Variants in NCOA1 observed in about 807,000 individuals in gnomAD.
NCOA1 encodes Hin-2 protein.
In NCOA1, 35 loss-of-function variants were observed where a neutral mutation model predicts 150.9. The ratio of observed to expected loss-of-function variants is 0.23; its 90% confidence interval spans 0.18 to 0.31. NCOA1 has a LOEUF of 0.31. NCOA1 is among the 10% of genes least tolerant of loss of function. The probability of loss-of-function intolerance (pLI) is 1.00; values close to 1 mark genes in which losing one functional copy is unlikely to be tolerated. For missense variants in NCOA1, 1,491 were observed against 1,749.3 expected (o/e 0.85, Z 2.63); for synonymous variants, 590 against 630.0 (o/e 0.94, Z 0.95).
intron 3 of NCOA1, among the ~76,000 whole-genome samples, chr2:24,630,538 A>C (rs1162192757): frequency 6.6e-6 from 1 of 152,120 alleles, no homozygotes; most frequent in Admixed American, 6.6e-5. Flanking sequence ...GGTTCTCTTT[A>C]TTACTGGTCC....
intron 2 of NCOA1, among the ~76,000 whole-genome samples, chr2:24,575,352 C>G (rs1666911033): frequency 6.6e-6 from 1 of 152,226 alleles, no homozygotes; most frequent in Admixed American, 6.5e-5. Context: ...GTGTTCAACA[C>G]TTCCATATCT....
intron 5 of NCOA1, among the ~76,000 whole-genome samples, chr2:24,663,730 G>C (rs772224259): frequency 1.4e-4 from 21 of 152,034 alleles, no homozygotes; most frequent in Non-Finnish European, 1.2e-4. Flanking sequence ...TTGCTTATTG[G>C]TTACTTCATT....
At chr2:24,566,197 A>G (rs1666498564) in intron 2 of NCOA1, among the ~76,000 whole-genome samples, 1 of 152,224 alleles carries the variant, frequency 6.6e-6, no homozygotes, top group African/African-American at 2.4e-5. Context: ...AGAACACCTC[A>G]GAGGAGACTT....
Position 24,768,480 on chromosome 2 carries a change from A to C in NCOA1, c.*89A>C. On this transcript the variant is annotated 3_prime_UTR_variant, in exon 23 of 23. Coordinates refer to ENST00000348332, the MANE Select transcript of NCOA1 (RefSeq NM_003743.5). Reference sequence around the variant, plus strand: ...ATTTTTCTGAGATTTTTGATATCTCAATCTGCAGCCATTCTTCAGGTCGTA... The same window carrying C: ...ATTTTTCTGAGATTTTTGATATCTCCATCTGCAGCCATTCTTCAGGTCGTA... 1 of 786,302 alleles carries C rather than the reference A, an allele frequency of 1.3e-6. No homozygotes were observed. Among genetic ancestry groups the C allele is most frequent in the Non-Finnish European group, 1.7e-6 (1 of 576,336 alleles). The allele number at this position is 786,302 out of a possible 1,614,324, so 48.7% of individuals were successfully genotyped here.
chr2:24,607,758 A>G (rs969855661), intron 3 of NCOA1, among the ~76,000 whole-genome samples: 1 of 151,978 alleles, frequency 6.6e-6, no homozygotes, highest in Non-Finnish European at 1.5e-5. Context: ...TTAAGGTTAT[A>G]CTGGCTTCAT....
intron 3 of NCOA1, among the ~76,000 whole-genome samples, chr2:24,592,743 CCT>C (rs1454669838): frequency 1.3e-5 from 2 of 151,834 alleles, no homozygotes; most frequent in South Asian, 2.1e-4. Context: ...TTTTTTCCCC[CCT>C]GTTATAACAA....
intron 4 of NCOA1, among the ~76,000 whole-genome samples, chr2:24,647,516 C>T (rs1432109858): frequency 6.6e-6 from 1 of 152,042 alleles, no homozygotes; most frequent in African/African-American, 2.4e-5. Flanking sequence ...GTAAATCTTA[C>T]ATAAGTGTTA....
At chr2:24,522,321 T>C (rs1264532467) in intron 1 of NCOA1, among the ~76,000 whole-genome samples, 1 of 152,210 alleles carries the variant, frequency 6.6e-6, no homozygotes, top group Non-Finnish European at 1.5e-5. Flanking sequence ...CAATTTCTTA[T>C]CATTTAGTTT....
intron 18 of NCOA1, 45 bp downstream of exon 18, chr2:24,739,578 A>G (rs747616807): frequency 4.9e-6 from 7 of 1,419,256 alleles, no homozygotes; most frequent in Admixed American, 3.4e-5. Context: ...TTTAACCCAC[A>G]TAGTGTTTCT....
intron 2 of NCOA1, among the ~76,000 whole-genome samples, chr2:24,569,190 C>G (rs1336361509): frequency 6.6e-6 from 1 of 152,114 alleles, no homozygotes; most frequent in Non-Finnish European, 1.5e-5. Context: ...GTTTTGGCCA[C>G]TAGAGCCACC....
At chr2:24,502,246 G>A (rs1227911387) in intron 1 of NCOA1, among the ~76,000 whole-genome samples, 1 of 152,148 alleles carries the variant, frequency 6.6e-6, no homozygotes, top group Non-Finnish European at 1.5e-5. Flanking sequence ...TTGTGCTTTT[G>A]ACCTATCTTT....
At chr2:24,605,431 G>C (rs1467293460) in intron 3 of NCOA1, among the ~76,000 whole-genome samples, 2 of 152,246 alleles carry the variant, frequency 1.3e-5, no homozygotes, top group Middle Eastern at 3.4e-3. Flanking sequence ...TTGCTCTGTA[G>C]AACATTTATT....
At chr2:24,497,808 A>G (rs1663287975) in intron 1 of NCOA1, among the ~76,000 whole-genome samples, 1 of 152,074 alleles carries the variant, frequency 6.6e-6, no homozygotes, top group Admixed American at 6.5e-5. Context: ...CTGCCTCTCA[A>G]GTTTTGTTGG....
At chr2:24,574,459 CTT>C (rs1193268063) in intron 2 of NCOA1, among the ~76,000 whole-genome samples, 1 of 151,980 alleles carries the variant, frequency 6.6e-6, no homozygotes, top group Non-Finnish European at 1.5e-5. Flanking sequence ...CAGTAAAACT[CTT>C]TTGGGGGAGG....
chr2:24,674,821 A>G (rs1047319857), intron 7 of NCOA1, among the ~76,000 whole-genome samples: 3 of 151,966 alleles, frequency 2.0e-5, no homozygotes, highest in African/African-American at 4.8e-5. Flanking sequence ...AGAGTTCTGC[A>G]TTATCTGACT....
chr2:24,492,903 T>G (rs143576038), intron 1 of NCOA1, among the ~76,000 whole-genome samples: 1 of 150,674 alleles, frequency 6.6e-6, no homozygotes, highest in African/African-American at 2.4e-5. Flanking sequence ...GAGGGATGGA[T>G]CTCAAGGGTT....
At chr2:24,621,303 G>C (rs1486476979) in intron 3 of NCOA1, among the ~76,000 whole-genome samples, 1 of 151,376 alleles carries the variant, frequency 6.6e-6, no homozygotes, top group Non-Finnish European at 1.5e-5. Flanking sequence ...TTATATATCT[G>C]GTATATTTAA....
chr2:24,563,440 AGAT>A (rs1666369730), intron 1 of NCOA1, among the ~76,000 whole-genome samples: 1 of 152,190 alleles, frequency 6.6e-6, no homozygotes. Context: ...ATTGTAAAGA[AGAT>A]GTTAGTAAAA....
At chr2:24,751,747 G>A (rs897220248) in intron 19 of NCOA1, among the ~76,000 whole-genome samples, 17 of 151,980 alleles carry the variant, frequency 1.1e-4, no homozygotes, top group African/African-American at 3.9e-4. Context: ...GCATTATTCC[G>A]AGCTTACATT....
Sources: gnomAD v4.1 joint callset for allele counts (sites outside exome capture counted in the v4.1 genomes callset) on GRCh38, gnomAD v4.1.1 for gene constraint, MANE v1.5 for transcripts, NCBI Gene and HGNC (gene_info 2026-07-23, HGNC 2026-07-21) for gene names.